CENPP: variants seen among roughly 807,000 people sequenced by gnomAD.
The protein encoded by CENPP is centromere protein P.
Under a neutral mutation model 35.6 loss-of-function variants are expected in CENPP, and 24 were observed. That is an observed-to-expected ratio of 0.67 (90% CI 0.49 to 0.95). CENPP has a LOEUF of 0.95. CENPP is among the 40% of genes least tolerant of loss of function. The pLI is 0.00. For missense variants in CENPP, 332 were observed against 345.3 expected (o/e 0.96, Z 0.31); for synonymous variants, 120 against 125.5 (o/e 0.96, Z 0.29).
intron 5 of CENPP, among the ~76,000 whole-genome samples, chr9:92,434,352 G>C (rs1301376935): frequency 6.8e-6 from 1 of 147,576 alleles, no homozygotes; most frequent in African/African-American, 2.5e-5. Context: ...TTGTGCCCCT[G>C]CATTTCAGCC....
At chr9:92,356,882 C>T (rs904812114) in intron 4 of CENPP, among the ~76,000 whole-genome samples, 24 of 152,172 alleles carry the variant, frequency 1.6e-4, no homozygotes, top group African/African-American at 4.1e-4. Context: ...CTGGTCCCTC[C>T]GTTCGGGGTC....
chr9:92,551,952 T>TAA (rs1849605411), intron 5 of CENPP, among the ~76,000 whole-genome samples: 1 of 113,858 alleles, frequency 8.8e-6, no homozygotes, highest in African/African-American at 4.0e-5. Context: ...TATATATATA[T>TAA]GATATATATA....
At chr9:92,545,764 G>A (rs1849426892) in intron 5 of CENPP, among the ~76,000 whole-genome samples, 1 of 152,204 alleles carries the variant, frequency 6.6e-6, no homozygotes, top group African/African-American at 2.4e-5. Flanking sequence ...GTCTAGCTAA[G>A]GGATTGTAGA....
chr9:92,590,579 G>T (rs1225207934), intron 5 of CENPP, among the ~76,000 whole-genome samples: 1 of 152,182 alleles, frequency 6.6e-6, no homozygotes, highest in African/African-American at 2.4e-5. Context: ...ATCAAAGTTA[G>T]ACAGTTGTTA....
At chr9:92,537,439 TC>T (rs1424895101) in intron 5 of CENPP, among the ~76,000 whole-genome samples, 1 of 152,058 alleles carries the variant, frequency 6.6e-6, no homozygotes, top group Non-Finnish European at 1.5e-5. Context: ...GACAGGTGGA[TC>T]ACCTGAGGTT....
At chr9:92,379,690 G>T in intron 4 of CENPP, 73 bp from the exon 5 acceptor site, 1 of 1,186,498 alleles carries the variant, frequency 8.4e-7, no homozygotes, top group East Asian at 2.4e-5. Context: ...ACATGAAAAG[G>T]AAAAGAAATA....
chr9:92,390,225 C>T (rs1048801535), intron 5 of CENPP, among the ~76,000 whole-genome samples: 1 of 152,144 alleles, frequency 6.6e-6, no homozygotes, highest in African/African-American at 2.4e-5. Context: ...TCACTGAACA[C>T]CTCTTTGTGC....
At chr9:92,584,875 T>C (rs1370308081) in intron 5 of CENPP, among the ~76,000 whole-genome samples, 1 of 152,272 alleles carries the variant, frequency 6.6e-6, no homozygotes, top group Non-Finnish European at 1.5e-5. Context: ...TTGTAGGTCA[T>C]GTACATTCGT....
intron 2 of CENPP, 110 bp downstream of exon 2, chr9:92,332,461 G>A: frequency 2.6e-6 from 2 of 778,724 alleles, no homozygotes; most frequent in Non-Finnish European, 3.8e-6. Context: ...GTATTTGAAA[G>A]TATGGTTGTG....
chr9:92,340,310 G>A (rs1222888563), intron 3 of CENPP: 1 of 152,178 alleles, frequency 6.6e-6, no homozygotes, highest in East Asian at 1.9e-4. Context: ...TCCAGGATGG[G>A]TTGTACCCTA....
intron 5 of CENPP, among the ~76,000 whole-genome samples, chr9:92,524,689 G>A (rs560486896): frequency 1.3e-5 from 2 of 152,164 alleles, no homozygotes; most frequent in Non-Finnish European, 2.9e-5. Context: ...CCAGTATGGA[G>A]GAGAAACTAA....
intron 5 of CENPP, among the ~76,000 whole-genome samples, chr9:92,471,774 C>A (rs1845528130): frequency 6.6e-6 from 1 of 150,742 alleles, no homozygotes; most frequent in Non-Finnish European, 1.5e-5. Context: ...TCTAGTGATT[C>A]TTCTGCCTTA....
chr9:92,612,391 C>G, intron 6 of CENPP, 132 bp from the exon 7 acceptor site: 1 of 693,884 alleles, frequency 1.4e-6, no homozygotes, highest in Non-Finnish European at 2.6e-6. Flanking sequence ...TGTGCCTCTT[C>G]TTGGCTGTGG....
Position 92,616,357 on chromosome 9 carries a change from G to C in CENPP, c.*3208G>C. On this transcript the variant is annotated 3_prime_UTR_variant, in exon 8 of 8. Coordinates refer to ENST00000375587, the MANE Select transcript of CENPP (RefSeq NM_001012267.3). ...GCACCCCACCATACCAGGCGAGAGA[G>C]GGTTAAAGGACTGAAAGATGGAAAA... is the stretch of plus-strand genomic sequence containing the variant. 3.4e-6 allele frequency: 1 copy of C among 290,736 alleles called. No individual in the cohort carries two copies. The highest frequency in any genetic ancestry group is 6.5e-6 in the Non-Finnish European group (1 of 154,098). 18.0% of individuals were successfully genotyped at this position (290,736 alleles called of 1,614,324 possible).
At chr9:92,567,676 G>C (rs996342053) in intron 5 of CENPP, among the ~76,000 whole-genome samples, 1 of 152,052 alleles carries the variant, frequency 6.6e-6, no homozygotes, top group Non-Finnish European at 1.5e-5. Flanking sequence ...TTTGTAGCTT[G>C]TGTTTTGGGA....
chr9:92,473,285 G>A (rs932262187), intron 5 of CENPP, among the ~76,000 whole-genome samples: 5 of 152,136 alleles, frequency 3.3e-5, no homozygotes, highest in Admixed American at 1.3e-4. Context: ...AGGCCAGCAC[G>A]TGGGGGTGGT....
chr9:92,496,558 G>A (rs367914430), intron 5 of CENPP: 4 of 1,536,584 alleles, frequency 2.6e-6, no homozygotes, highest in African/African-American at 2.8e-5. Context: ...TTTAACATTT[G>A]TTAAAAAAAT....
intron 5 of CENPP, among the ~76,000 whole-genome samples, chr9:92,503,758 A>G (rs963199596): frequency 5.9e-5 from 9 of 152,186 alleles, no homozygotes; most frequent in Non-Finnish European, 1.2e-4. Flanking sequence ...TAGTAAAACA[A>G]TTTTCAACTT....
chr9:92,458,236 T>G (rs772950439), intron 5 of CENPP, among the ~76,000 whole-genome samples: 1 of 152,212 alleles, frequency 6.6e-6, no homozygotes, highest in Non-Finnish European at 1.5e-5. Flanking sequence ...TAACAGCCCT[T>G]CTAATTTCTT....
Sources: gnomAD v4.1 joint callset for allele counts (sites outside exome capture counted in the v4.1 genomes callset) on GRCh38, gnomAD v4.1.1 for gene constraint, MANE v1.5 for transcripts, NCBI Gene and HGNC (gene_info 2026-07-23, HGNC 2026-07-21) for gene names.